Variants in SLC35F4 observed in about 807,000 individuals in gnomAD.
SLC35F4 encodes the protein solute carrier family 35 member F4.
Under a neutral mutation model 44.2 loss-of-function variants are expected in SLC35F4, and 24 were observed. The ratio of observed to expected loss-of-function variants is 0.54; its 90% CI spans 0.39 to 0.76. The LOEUF is 0.76. SLC35F4 is among the 30% of genes least tolerant of loss of function. SLC35F4 has a pLI of 0.00. For missense variants in SLC35F4, 562 were observed against 586.1 expected (o/e 0.96, Z 0.42); for synonymous variants, 238 against 223.6 (o/e 1.06, Z -0.57).
chr14:57,943,957 G>A (rs1177281397), intron 1 of SLC35F4, among the ~76,000 whole-genome samples: 1 of 152,104 alleles, frequency 6.6e-6, no homozygotes, highest in Non-Finnish European at 1.5e-5. Flanking sequence ...CCACGCCAAT[G>A]GGAGAGATGA....
At chr14:57,864,617 G>A (rs2141018702) in intron 1 of SLC35F4, among the ~76,000 whole-genome samples, 2 of 152,300 alleles carry the variant, frequency 1.3e-5, no homozygotes, top group South Asian at 2.1e-4. Flanking sequence ...TGGGTCCCAC[G>A]CATCACAGAA....
At chr14:57,972,855 C>T (rs1016631113), downstream of SLC35F4, among the ~76,000 whole-genome samples, 1 of 152,216 alleles carries the variant, frequency 6.6e-6, no homozygotes, top group Non-Finnish European at 1.5e-5. Context: ...CCCTACCCAC[C>T]ACTGTAGACA....
At chr14:57,869,470 C>G (rs1888250890), upstream of SLC35F4, among the ~76,000 whole-genome samples, 1 of 152,068 alleles carries the variant, frequency 6.6e-6, no homozygotes, top group Non-Finnish European at 1.5e-5. Flanking sequence ...GGGCTTTAGT[C>G]GTCTTTTTAT....
chr14:57,915,456 A>T (rs1468019583), intron 1 of SLC35F4, among the ~76,000 whole-genome samples: 1 of 152,130 alleles, frequency 6.6e-6, no homozygotes, highest in Non-Finnish European at 1.5e-5. Flanking sequence ...AAATATTTCC[A>T]TTCTGCTTCT....
chr14:57,584,157 T>C (rs767388055), intron 3 of SLC35F4, among the ~76,000 whole-genome samples: 11 of 152,144 alleles, frequency 7.2e-5, no homozygotes, highest in Non-Finnish European at 1.3e-4. Context: ...GTTAATAATA[T>C]GGTATATATT....
At chr14:57,631,001 TA>T (rs2072744049) in intron 1 of SLC35F4, 1 of 256,238 alleles carries the variant, frequency 3.9e-6, no homozygotes, top group African/African-American at 2.3e-5. Flanking sequence ...ATTCTTTTAT[TA>T]AAAATAAACT....
intron 1 of SLC35F4, among the ~76,000 whole-genome samples, chr14:57,941,582 G>T (rs11846709): frequency 6.6e-6 from 1 of 151,944 alleles, no homozygotes; most frequent in East Asian, 1.9e-4. Context: ...GTTTTATTTT[G>T]GGATAATAAA....
intron 1 of SLC35F4, among the ~76,000 whole-genome samples, chr14:57,887,340 C>T (rs1186357453): frequency 6.6e-6 from 1 of 152,176 alleles, no homozygotes; most frequent in Non-Finnish European, 1.5e-5. Flanking sequence ...AGCTCCCTGG[C>T]TCAGAATGCT....
At position 57,588,059 on chromosome 14, in the gene SLC35F4, G is replaced by T. The variant is rs940072304; in HGVS notation, c.587+1157C>A. ...AACTTAGCCAGGCATGGTGGCGGGCGCTTGTAACCCAAGCTACTCAAGAGG... is the reference window on the plus strand; with the variant it reads ...AACTTAGCCAGGCATGGTGGCGGGCTCTTGTAACCCAAGCTACTCAAGAGG... On this transcript the variant is annotated intron_variant, in intron 3 of 7. Coordinates refer to ENST00000556826, the MANE Select transcript of SLC35F4 (RefSeq NM_001306087.2). 7.9e-5 allele frequency among the ~76,000 whole-genome samples: 12 copies of T among 151,932 alleles called. No homozygotes were observed. In the South Asian group the frequency reaches 2.5e-3, roughly 31 times the overall value.
intron 1 of SLC35F4, among the ~76,000 whole-genome samples, chr14:57,746,499 C>T (rs1328830569): frequency 1.3e-5 from 2 of 152,094 alleles, no homozygotes; most frequent in Non-Finnish European, 2.9e-5. Flanking sequence ...GGAAAAAACT[C>T]CAATTGATCA....
At chr14:57,933,647 G>A (rs1046351729) in intron 1 of SLC35F4, among the ~76,000 whole-genome samples, 1 of 152,204 alleles carries the variant, frequency 6.6e-6, no homozygotes, top group Admixed American at 6.5e-5. Context: ...TTTGTGAAAG[G>A]TCGCTGGCTG....
chr14:57,622,591 T>A (rs1390617253), intron 1 of SLC35F4, among the ~76,000 whole-genome samples: 1 of 142,924 alleles, frequency 7.0e-6, no homozygotes, highest in East Asian at 2.0e-4. Flanking sequence ...AAACTGCATA[T>A]TCTCACTCAT....
rs1159079485 is a variant in SLC35F4 at position 57,945,438 on chromosome 14, AATGTGTGTGT to A, written n.282+36465_282+36474del. On this transcript the variant is annotated intron_variant and non_coding_transcript_variant, in intron 1 of 1. Transcript: ENST00000556568. ...CTCTTTACCAGGTAAGAGCAATGATAATGTGTGTGTGTGTGTGTGTGTGTGTGTGTGTGTG... is the reference window on the plus strand; with the variant it reads ...CTCTTTACCAGGTAAGAGCAATGATAGTGTGTGTGTGTGTGTGTGTGTGTG... 1.2e-4 allele frequency among the ~76,000 whole-genome samples: 9 copies of A among 75,448 alleles called. 1 individual carries two copies. Among genetic ancestry groups the A allele is most frequent in the Middle Eastern group, 5.9e-3 (1 of 170 alleles). 49.5% of individuals were successfully genotyped at this position (75,448 alleles called of 152,430 possible). A position where few individuals can be genotyped will look rare whatever the true frequency, so the allele number is the denominator to read the frequency against.
At chr14:57,901,614 T>C (rs932642126) in intron 1 of SLC35F4, among the ~76,000 whole-genome samples, 1 of 152,096 alleles carries the variant, frequency 6.6e-6, no homozygotes, top group Non-Finnish European at 1.5e-5. Flanking sequence ...CAAACCACCA[T>C]GGCACACATT....
intron 1 of SLC35F4, among the ~76,000 whole-genome samples, chr14:57,728,662 C>A (rs1057253832): frequency 6.6e-6 from 1 of 151,916 alleles, no homozygotes; most frequent in Non-Finnish European, 1.5e-5. Flanking sequence ...GTTGGCCAGG[C>A]TAGTCTCAGG....
intron 1 of SLC35F4, among the ~76,000 whole-genome samples, chr14:57,838,745 T>A (rs577440523): frequency 2.6e-5 from 4 of 152,278 alleles, no homozygotes; most frequent in Non-Finnish European, 5.9e-5. Flanking sequence ...AACTTTTTTT[T>A]AAGAATGATC....
chr14:57,747,193 G>A (rs1195447566), intron 1 of SLC35F4, among the ~76,000 whole-genome samples: 1 of 152,162 alleles, frequency 6.6e-6, no homozygotes, highest in African/African-American at 2.4e-5. Flanking sequence ...TGGCTGTTAT[G>A]ATACACGCAA....
intron 1 of SLC35F4, among the ~76,000 whole-genome samples, chr14:57,613,712 T>C (rs949268310): frequency 2.0e-5 from 3 of 152,192 alleles, no homozygotes; most frequent in Admixed American, 6.5e-5. Flanking sequence ...AGCATAATTA[T>C]TGCACCACAG....
At chr14:57,865,500 G>A (rs1888079728) in intron 1 of SLC35F4, among the ~76,000 whole-genome samples, 1 of 152,176 alleles carries the variant, frequency 6.6e-6, no homozygotes, top group African/African-American at 2.4e-5. Context: ...CCAAACTCCT[G>A]GGCGCACCCA....
Sources: allele counts gnomAD v4.1 joint callset (sites outside exome capture counted in the v4.1 genomes callset), GRCh38; gene constraint gnomAD v4.1.1; transcripts MANE v1.5; gene names NCBI Gene and HGNC (gene_info 2026-07-23, HGNC 2026-07-21).